Variants in TFEC observed in about 807,000 individuals in gnomAD.
The protein encoded by TFEC is transcription factor EC.
TFEC carries 31 observed loss-of-function variants against 41.6 expected under a neutral mutation model. The observed-to-expected ratio is 0.74, with a 90% CI of 0.56 to 1.01. TFEC has a LOEUF of 1.01. Ranked by LOEUF, TFEC falls within the 50% of genes least tolerant of loss-of-function variation. The pLI, the probability that TFEC is intolerant of heterozygous loss-of-function variation, is 0.00. For synonymous variants in TFEC, 143 were observed against 140.6 expected (o/e 1.02, Z -0.12); for missense variants, 402 against 404.1 (o/e 0.99, Z 0.04).
At chr7:116,034,687 TACACACACACAC>T (rs58308740), upstream of TFEC, among the ~76,000 whole-genome samples, 2 of 148,266 alleles carry the variant, frequency 1.3e-5, no homozygotes, top group African/African-American at 2.5e-5. Context: ...CAGGCATGCA[TACACACACACAC>T]ACACACACAC....
chr7:116,133,088 C>A (rs1349152593), intron 1 of TFEC, among the ~76,000 whole-genome samples: 1 of 152,204 alleles, frequency 6.6e-6, no homozygotes, highest in African/African-American at 2.4e-5. Context: ...AAGCTATCAT[C>A]GATTTTTAAG....
intron 5 of TFEC, among the ~76,000 whole-genome samples, chr7:115,951,879 C>G (rs1432444646): frequency 6.6e-6 from 1 of 152,040 alleles, no homozygotes; most frequent in Non-Finnish European, 1.5e-5. Flanking sequence ...TTACTCTTCT[C>G]TAAGAGCAGT....
At chr7:116,037,769 A>G (rs533774505) in intron 3 of TFEC, among the ~76,000 whole-genome samples, 1 of 152,138 alleles carries the variant, frequency 6.6e-6, no homozygotes, top group African/African-American at 2.4e-5. Context: ...TTACTATTTC[A>G]TTAGCATACT....
At chr7:116,115,250 C>T (rs376191041) in intron 1 of TFEC, among the ~76,000 whole-genome samples, 39 of 151,988 alleles carry the variant, frequency 2.6e-4, no homozygotes, top group Non-Finnish European at 4.0e-4. Flanking sequence ...AAACTACACT[C>T]GTTTCCTGTG....
intron 3 of TFEC, among the ~76,000 whole-genome samples, chr7:116,074,255 T>C (rs992254149): frequency 1.3e-5 from 2 of 151,712 alleles, no homozygotes; most frequent in Admixed American, 6.6e-5. Flanking sequence ...CACACACATA[T>C]ATAAATGGAC....
rs1047352482 is a variant in TFEC, at chr7:115,936,386, T to C, written c.*4165A>G. 2.0e-5 allele frequency: 3 copies of C among 151,662 alleles called. No homozygotes were observed. The highest frequency in any genetic ancestry group is 7.2e-5 in the African/African-American group (3 of 41,426). 9.4% of individuals were successfully genotyped at this position (151,662 alleles called of 1,614,324 possible). A position where few individuals can be genotyped will look rare whatever the true frequency, so the allele number is the denominator to read the frequency against. ...CTGAAACAAAATTCAATCCTTCGGG[T>C]GTCTTTAAGAAACCCAGATGGTTGA... On this transcript the variant is annotated 3_prime_UTR_variant, in exon 8 of 8. Coordinates refer to ENST00000265440, the MANE Select transcript of TFEC (RefSeq NM_012252.4).
chr7:115,958,348 A>G (rs934722501), intron 3 of TFEC, among the ~76,000 whole-genome samples: 2 of 151,910 alleles, frequency 1.3e-5, no homozygotes, highest in African/African-American at 4.8e-5. Context: ...TAAATTTTCC[A>G]AGGTCATTTT....
intron 3 of TFEC, among the ~76,000 whole-genome samples, chr7:116,049,101 T>C (rs1796243649): frequency 2.0e-5 from 3 of 152,160 alleles, no homozygotes; most frequent in Admixed American, 1.3e-4. Context: ...GCTAACATCA[T>C]AATGACAGGA....
chr7:116,128,164 A>G lies in TFEC; in HGVS notation c.-68-16126T>C, dbSNP rs371352041. Among the ~76,000 whole-genome samples the G allele has an allele frequency of 5.1e-4, 77 of 152,326 alleles. 1 individual carries two copies. The East Asian group carries it at 9.1e-3, about 18-fold the overall frequency. On this transcript the variant is annotated intron_variant, in intron 1 of 8. Transcript: ENST00000484212. ...GAAATCACATTCCACATACCCAGGA[A>G]GTTTAACCAGGTTAAACCACTCCCA... is the stretch of plus-strand genomic sequence containing the variant.
intron 1 of TFEC, among the ~76,000 whole-genome samples, chr7:116,144,091 G>A (rs745789753): frequency 2.0e-4 from 31 of 152,084 alleles, no homozygotes; most frequent in Admixed American, 1.2e-3. Context: ...GGTGGCACAC[G>A]CCTGTAATCC....
intron 1 of TFEC, among the ~76,000 whole-genome samples, chr7:115,994,026 G>T (rs188240806): frequency 6.6e-5 from 10 of 152,190 alleles, no homozygotes; most frequent in Non-Finnish European, 1.5e-4. Flanking sequence ...CTATGGAAGA[G>T]AACAGAGCCC....
chr7:116,126,402 G>C (rs1391663497), intron 1 of TFEC, among the ~76,000 whole-genome samples: 3 of 151,974 alleles, frequency 2.0e-5, no homozygotes, highest in Non-Finnish European at 2.9e-5. Flanking sequence ...ATAACATTAA[G>C]TAAACTAATA....
chr7:116,134,354 A>G (rs1271704579), intron 1 of TFEC, among the ~76,000 whole-genome samples: 2 of 152,094 alleles, frequency 1.3e-5, no homozygotes, highest in Non-Finnish European at 2.9e-5. Context: ...ATAAAAAGAA[A>G]GAGGGAAGGA....
intron 1 of TFEC, among the ~76,000 whole-genome samples, chr7:116,124,930 G>A (rs1463131704): frequency 3.9e-5 from 6 of 151,976 alleles, no homozygotes; most frequent in Non-Finnish European, 8.8e-5. Context: ...ATCTTACTAG[G>A]GTGAGAAGAT....
intron 6 of TFEC, among the ~76,000 whole-genome samples, chr7:115,947,448 C>T (rs1310104097): frequency 6.6e-6 from 1 of 151,364 alleles, no homozygotes; most frequent in Non-Finnish European, 1.5e-5. Flanking sequence ...AATGGGATGG[C>T]TGGGTCAAAT....
At chr7:115,982,218 CA>C (rs57020486) in intron 2 of TFEC, among the ~76,000 whole-genome samples, 3 of 147,736 alleles carry the variant, frequency 2.0e-5, no homozygotes, top group East Asian at 2.0e-4. Context: ...AAAAAAAAAA[CA>C]AAAAAAAACA....
At chr7:115,942,329 T>A (rs1038577053) in intron 6 of TFEC, among the ~76,000 whole-genome samples, 8 of 152,022 alleles carry the variant, frequency 5.3e-5, no homozygotes, top group Non-Finnish European at 8.8e-5. Context: ...ATATTTTTAG[T>A]GAAAATTGCT....
chr7:116,042,690 T>C (rs1024343026), intron 3 of TFEC, among the ~76,000 whole-genome samples: 1 of 152,188 alleles, frequency 6.6e-6, no homozygotes, highest in African/African-American at 2.4e-5. Context: ...TCCAACAGTA[T>C]GCAGGACTGA....
At chr7:116,138,739 G>T (rs1798483377) in intron 1 of TFEC, among the ~76,000 whole-genome samples, 1 of 152,108 alleles carries the variant, frequency 6.6e-6, no homozygotes, top group South Asian at 2.1e-4. Flanking sequence ...ACTTTTAATT[G>T]TATTGATTTC....
Sources: gnomAD v4.1 joint callset for allele counts (sites outside exome capture counted in the v4.1 genomes callset) on GRCh38, gnomAD v4.1.1 for gene constraint, MANE v1.5 for transcripts, NCBI Gene and HGNC (gene_info 2026-07-23, HGNC 2026-07-21) for gene names.